Variants in TENM1 observed in about 807,000 individuals in gnomAD.
The protein encoded by TENM1 is teneurin transmembrane protein 1.
TENM1 carries 35 observed loss-of-function variants against 174.8 expected under a neutral mutation model. That is an observed-to-expected ratio of 0.20 (90% CI 0.15 to 0.27). The LOEUF (loss-of-function observed/expected upper bound fraction) is 0.27, where lower values mean the gene tolerates loss of function less well. Ranked by LOEUF, TENM1 falls within the 10% of genes least tolerant of loss-of-function variation. The probability of loss-of-function intolerance (pLI) is 1.00; values close to 1 mark genes in which losing one functional copy is unlikely to be tolerated. For missense variants in TENM1, 1,633 were observed against 2,130.1 expected, an observed-to-expected ratio of 0.77 and a Z score of 4.59; for synonymous variants, 781 against 798.7, an observed-to-expected ratio of 0.98 and a Z score of 0.37.
intron 1 of TENM1, 40 bp from the exon 5 acceptor site, chrX:124,896,281 T>C: frequency 8.6e-7 from 1 of 1,168,976 alleles, no homozygotes; most frequent in East Asian, 3.0e-5. Context: ...TTTAGAAGTA[T>C]GAAGAAATCC....
At chrX:125,082,998 T>G in the TENM1 span, among the ~76,000 whole-genome samples, 8 of 111,529 alleles carry the variant, frequency 7.2e-5, no homozygotes, top group East Asian at 2.3e-3. Flanking sequence ...CATTTATTAC[T>G]TTCCGATTAC....
At chrX:124,837,846 T>G (rs892962015) in intron 3 of TENM1, among the ~76,000 whole-genome samples, 3 of 112,240 alleles carry the variant, frequency 2.7e-5, no homozygotes, top group African/African-American at 9.7e-5. Context: ...GAGATAGATG[T>G]TACCTGCTGC....
intron 3 of TENM1, among the ~76,000 whole-genome samples, chrX:124,741,497 T>G (rs766015365): frequency 4.0e-4 from 44 of 111,164 alleles, no homozygotes; most frequent in African/African-American, 1.4e-3. Context: ...AAAATGAAGT[T>G]AGGGATGCAA....
At chrX:125,086,220 T>C in the TENM1 span, among the ~76,000 whole-genome samples, 1 of 111,247 alleles carries the variant, frequency 9.0e-6, no homozygotes, top group African/African-American at 3.2e-5. Flanking sequence ...GTAATTACTA[T>C]AACTTTGATG....
At chrX:124,641,184 G>A (rs1191701347) in intron 11 of TENM1, among the ~76,000 whole-genome samples, 1 of 111,494 alleles carries the variant, frequency 9.0e-6, no homozygotes, top group Non-Finnish European at 1.9e-5. Flanking sequence ...AACGATTTAT[G>A]CAGGAAGCAA....
intron 1 of TENM1, among the ~76,000 whole-genome samples, chrX:124,930,998 T>A (rs1479306595): frequency 9.0e-6 from 1 of 111,252 alleles, no homozygotes; most frequent in Non-Finnish European, 1.9e-5. Context: ...CGAGGGAAGA[T>A]GAAAGCCAAG....
intron 8 of TENM1, among the ~76,000 whole-genome samples, chrX:124,649,892 A>C (rs1373931038): frequency 1.8e-5 from 2 of 111,246 alleles, no homozygotes; most frequent in African/African-American, 6.5e-5. Flanking sequence ...GATTAAGATA[A>C]AGTTCAAAAA....
intron 3 of TENM1, among the ~76,000 whole-genome samples, chrX:124,788,606 G>C (rs1329735387): frequency 8.9e-6 from 1 of 112,262 alleles, no homozygotes; most frequent in Non-Finnish European, 1.9e-5. Context: ...CAAAACAAAG[G>C]GGCTACAGGC....
intron 14 of TENM1, 91 bp downstream of exon 17, chrX:124,561,580 T>C: frequency 9.9e-7 from 1 of 1,014,586 alleles, no homozygotes; most frequent in Non-Finnish European, 1.4e-6. Context: ...ATACTAGAGA[T>C]TCCTAATTTT....
chrX:125,001,927 A>ACT, the TENM1 span, among the ~76,000 whole-genome samples: 1 of 4,570 alleles, frequency 2.2e-4, no homozygotes, highest in Admixed American at 8.5e-4. Context: ...TAGAGAGATC[A>ACT]CACACACACA....
Position 124,832,999 on chromosome X carries a change from C to T in TENM1, c.535+61297G>A, listed in dbSNP as rs749348687. 1.5e-3 allele frequency among the ~76,000 whole-genome samples: 172 copies of T among 111,717 alleles called. 1 individual carries two copies. Among genetic ancestry groups the T allele is most frequent in the African/African-American group, 5.1e-3 (156 of 30,714 alleles). On this transcript the variant is annotated intron_variant, in intron 3 of 31. Transcript: ENST00000422452. ...GTTGCGTGCATTTTGACCATTAAGG[C>T]ACATCTTTTTTTAATAAAAAATAAC...
chrX:125,027,134 T>A, the TENM1 span, among the ~76,000 whole-genome samples: 1 of 112,277 alleles, frequency 8.9e-6, no homozygotes, highest in African/African-American at 3.2e-5. Context: ...TGTCACTATT[T>A]GCAAAGGATA....
chrX:124,845,199 G>A (rs1181861394), intron 3 of TENM1, among the ~76,000 whole-genome samples: 1 of 112,044 alleles, frequency 8.9e-6, no homozygotes, highest in Non-Finnish European at 1.9e-5. Context: ...TAAATAAAAG[G>A]TAATTCCCTT....
the TENM1 span, among the ~76,000 whole-genome samples, chrX:125,141,841 A>G: frequency 2.6e-3 from 285 of 110,997 alleles, 1 homozygote; most frequent in African/African-American, 8.4e-3. Context: ...CTGGAAATAT[A>G]GCACAGGACT....
chrX:124,639,673 C>T (rs2050963346), intron 11 of TENM1, among the ~76,000 whole-genome samples: 1 of 111,236 alleles, frequency 9.0e-6, no homozygotes, highest in African/African-American at 3.3e-5. Flanking sequence ...ATCATACTTA[C>T]AGAGTTGTTA....
intron 22 of TENM1, among the ~76,000 whole-genome samples, chrX:124,474,912 G>A (rs1053604269): frequency 8.9e-6 from 1 of 111,945 alleles, no homozygotes; most frequent in Non-Finnish European, 1.9e-5. Context: ...AACAGCACAA[G>A]GTCATTGAGG....
chrX:124,459,487 G>T (rs1479894861), intron 22 of TENM1, among the ~76,000 whole-genome samples: 1 of 110,855 alleles, frequency 9.0e-6, no homozygotes, highest in Non-Finnish European at 1.9e-5. Flanking sequence ...TTAAAGCGAT[G>T]GGGAAAGGAC....
chrX:125,076,271 T>A, the TENM1 span, among the ~76,000 whole-genome samples: 1 of 111,675 alleles, frequency 9.0e-6, no homozygotes, highest in African/African-American at 3.3e-5. Context: ...TGTAGTCTTT[T>A]AGATCTTTAT....
chrX:125,080,703 G>A, the TENM1 span, among the ~76,000 whole-genome samples: 3 of 110,405 alleles, frequency 2.7e-5, no homozygotes, highest in Non-Finnish European at 5.7e-5. Flanking sequence ...CTGGTCTTTT[G>A]TCTACCTGTG....
Sources: allele counts gnomAD v4.1 joint callset (sites outside exome capture counted in the v4.1 genomes callset), GRCh38; gene constraint gnomAD v4.1.1; transcripts MANE v1.5; gene names NCBI Gene and HGNC (gene_info 2026-07-23, HGNC 2026-07-21).